DHRS7C: variants seen among roughly 807,000 people sequenced by gnomAD.
DHRS7C encodes dehydrogenase/reductase SDR family member 7C.
In DHRS7C, 28 loss-of-function variants were observed where a neutral mutation model predicts 29.6. That is an observed-to-expected ratio of 0.95 (90% confidence interval 0.70 to 1.30). DHRS7C has a LOEUF of 1.30. Ranked by LOEUF, DHRS7C falls within the 50% of genes most tolerant of loss-of-function variation. The pLI, the probability that DHRS7C is intolerant of heterozygous loss-of-function variation, is 0.00. For synonymous variants in DHRS7C, 158 were observed against 160.2 expected, an observed-to-expected ratio of 0.99 and a Z score of 0.10; for missense variants, 403 against 393.3, an observed-to-expected ratio of 1.02 and a Z score of -0.21.
At position 9,774,544 on chromosome 17, in the gene DHRS7C, A is replaced by G. The variant is rs1198805061; in HGVS notation, c.572-1622T>C. Among the ~76,000 whole-genome samples, 1 of 152,180 alleles carries G rather than the reference A, an allele frequency of 6.6e-6. No homozygotes were observed. The highest frequency in any genetic ancestry group is 1.5e-5 in the Non-Finnish European group (1 of 68,020). On this transcript the variant is annotated intron_variant, in intron 4 of 5. Transcript: ENST00000571134. The surrounding 1 kb of genome is among the most constrained non-coding windows in gnomAD (Gnocchi z 5.0). ...AGTGATCTACCCGCCTTGGCCTTCC[A>G]AAGTGCTGGGATTGCAGGTATGAGC...
intron 1 of DHRS7C, 23 bp downstream of exon 1, chr17:9,791,108 A>C (rs767297281): frequency 6.3e-7 from 1 of 1,597,180 alleles, no homozygotes; most frequent in Non-Finnish European, 8.5e-7. Context: ...AAATGGGCAC[A>C]GGTGGGAGCA....
rs1000708587 is a variant in DHRS7C at position 9,790,097 on chromosome 17, A to C, written c.154+1034T>G. ...CATTGGGATGCCGAAGAGGCTAAGC[A>C]GCAGGCTCTGAGAAAATTCTCAGGG... On this transcript the variant is annotated intron_variant, in intron 1 of 5. Coordinates refer to ENST00000571134, the MANE Select transcript of DHRS7C (RefSeq NM_001105571.3). Among the ~76,000 whole-genome samples, 2 of 152,298 alleles carry C rather than the reference A, an allele frequency of 1.3e-5. 1 individual carries two copies.
chr17:9,786,183 C>T (rs1407927432), intron 1 of DHRS7C, among the ~76,000 whole-genome samples: 2 of 151,710 alleles, frequency 1.3e-5, no homozygotes, highest in African/African-American at 4.8e-5. Context: ...AAATATTAGC[C>T]GGGCATGGTG....
At chr17:9,779,726 G>T in intron 3 of DHRS7C, 99 bp downstream of exon 3, 1 of 1,239,100 alleles carries the variant, frequency 8.1e-7, no homozygotes, top group Non-Finnish European at 1.1e-6. Context: ...GGGGACTGGG[G>T]AATTCCATAT....
chr17:9,786,061 G>A (rs775123493), intron 1 of DHRS7C, among the ~76,000 whole-genome samples: 17 of 151,958 alleles, frequency 1.1e-4, no homozygotes, highest in South Asian at 2.1e-4. Flanking sequence ...GGTGGCTCAC[G>A]CCTGTAATCC....
intron 1 of DHRS7C, chr17:9,785,202 G>T (rs2066416720): frequency 6.6e-6 from 1 of 152,236 alleles, no homozygotes; most frequent in Admixed American, 6.5e-5. Flanking sequence ...CAAAGAAGAG[G>T]AGGAATAGCG....
At chr17:9,778,280 G>C (rs1297012569) in intron 3 of DHRS7C, among the ~76,000 whole-genome samples, 1 of 151,948 alleles carries the variant, frequency 6.6e-6, no homozygotes, top group African/African-American at 2.4e-5. Flanking sequence ...TGTAGTCCCA[G>C]CTACTCAGGA....
intron 3 of DHRS7C, among the ~76,000 whole-genome samples, chr17:9,778,426 A>G (rs530886889): frequency 6.6e-6 from 1 of 152,112 alleles, no homozygotes; most frequent in African/African-American, 2.4e-5. Flanking sequence ...AGAAAGGAAA[A>G]AAACCAAGAT....
Position 9,772,800 on chromosome 17 carries a change from C to G in DHRS7C, c.694G>C (p.Glu232Gln), listed in dbSNP as rs1482126229. 5.0e-6 allele frequency: 8 copies of G among 1,613,826 alleles called. No individual in the cohort carries two copies. Among genetic ancestry groups the G allele is most frequent in the Non-Finnish European group, 6.8e-6 (8 of 1,179,880 alleles). The stretch of plus-strand genomic sequence containing the variant: ...ATGGAAGCTTCCCAGTTTCCTTGCT[C>G]TGGATACACGTGGTACGACCGGATG... ...TFIRSYHVYP[E>Q]QGNWEASIWK... is the part of the protein sequence containing the mutation. Residue 232 changes from glutamate to glutamine, a missense_variant, in exon 5 of 6, where the codon GAG becomes CAG. Transcript: ENST00000571134.
intron 4 of DHRS7C, among the ~76,000 whole-genome samples, chr17:9,773,382 C>T (rs2066342701): frequency 6.6e-6 from 1 of 152,154 alleles, no homozygotes; most frequent in Admixed American, 6.5e-5. Context: ...ATCCCCTCTC[C>T]CTTCCTGTTT....
chr17:9,777,831 C>T (rs181175046), intron 3 of DHRS7C, among the ~76,000 whole-genome samples: 3 of 152,182 alleles, frequency 2.0e-5, no homozygotes, highest in Non-Finnish European at 4.4e-5. Context: ...AAGATTGTGG[C>T]GTTCTCAGGC....
At chr17:9,782,283 C>T (rs995442215) in intron 1 of DHRS7C, among the ~76,000 whole-genome samples, 7 of 152,194 alleles carry the variant, frequency 4.6e-5, no homozygotes, top group African/African-American at 1.7e-4. Flanking sequence ...TCACAATAAC[C>T]TTATGAGACA....
At chr17:9,781,732 T>A in intron 1 of DHRS7C, 138 bp from the exon 2 acceptor site, 1 of 726,772 alleles carries the variant, frequency 1.4e-6, no homozygotes, top group Non-Finnish European at 2.2e-6. Flanking sequence ...GTCACTTCAT[T>A]GAACTCCCTC....
In DHRS7C at chr17:9,779,879, G is replaced by T; in HGVS notation, c.424C>A (p.Leu142Ile). The change falls in exon 3 of 6, where the codon CTC becomes ATC. Residue 142 changes from leucine (L) to isoleucine (I), a missense_variant. By Grantham distance (5) the Leu-to-Ile change is conservative. Coordinates refer to ENST00000571134, the MANE Select transcript of DHRS7C (RefSeq NM_001105571.3). ...TTGGCATCCATGATCTTTTTGTCGA[G>T]CTCCAGAGAAATCTTATGGGCAGGC... The part of the protein sequence containing the change: ...KGPAHKISLE[L>I]DKKIMDANYF... 6.2e-7 allele frequency: 1 copy of T among 1,613,820 alleles called. No homozygotes were observed. Among genetic ancestry groups the T allele is most frequent in the Non-Finnish European group, 8.5e-7 (1 of 1,179,830 alleles).
chr17:9,779,068 C>T (rs1405443209), intron 3 of DHRS7C, among the ~76,000 whole-genome samples: 1 of 152,082 alleles, frequency 6.6e-6, no homozygotes, highest in Non-Finnish European at 1.5e-5. Context: ...CACCACTATG[C>T]CTGGCTAAGT....
chr17:9,791,312 G>T lies in DHRS7C; in HGVS notation c.-28C>A. 1.2e-6 allele frequency: 2 copies of T among 1,610,886 alleles called. No individual in the cohort carries two copies. Among genetic ancestry groups the T allele is most frequent in the Non-Finnish European group, 1.7e-6 (2 of 1,178,440 alleles). On this transcript the variant is annotated 5_prime_UTR_variant, in exon 1 of 6. Transcript: ENST00000571134. Reference sequence around the variant, plus strand: ...TGTTCTGGGGGACAACGGAGTAAAAGGGGATTGGCTTTGCAAAGAGACGCT... The same window carrying T: ...TGTTCTGGGGGACAACGGAGTAAAATGGGATTGGCTTTGCAAAGAGACGCT...
chr17:9,779,484 TG>T (rs1173073907), intron 3 of DHRS7C, among the ~76,000 whole-genome samples: 6 of 152,182 alleles, frequency 3.9e-5, no homozygotes, highest in African/African-American at 1.4e-4. Context: ...TGTACATGAT[TG>T]TTGAGACAAT....
chr17:9,782,276 C>T lies in DHRS7C; in HGVS notation c.155-682G>A, dbSNP rs778763169. ...ATCGCTCTAGTTCATTTAATACTCA[C>T]AATAACCTTATGAGACAGTATCTTT... On this transcript the variant is annotated intron_variant, in intron 1 of 5. Coordinates refer to ENST00000571134, the MANE Select transcript of DHRS7C (RefSeq NM_001105571.3). 2.6e-5 allele frequency among the ~76,000 whole-genome samples: 4 copies of T among 152,200 alleles called. No homozygotes were observed. In the South Asian group the frequency reaches 8.3e-4, roughly 32 times the overall value.
chr17:9,778,475 G>A (rs1175960011), intron 3 of DHRS7C, among the ~76,000 whole-genome samples: 3 of 152,132 alleles, frequency 2.0e-5, no homozygotes, highest in African/African-American at 4.8e-5. Flanking sequence ...TAGACCCAGG[G>A]TCCTTAGTGA....
Sources: allele counts gnomAD v4.1 joint callset (sites outside exome capture counted in the v4.1 genomes callset), GRCh38; gene constraint gnomAD v4.1.1; non-coding constraint Gnocchi (gnomAD v3.1); transcripts MANE v1.5; gene names NCBI Gene and HGNC (gene_info 2026-07-23, HGNC 2026-07-21).